Variants in GABRA2 observed in about 807,000 individuals in gnomAD.
GABRA2 encodes the protein gamma-aminobutyric acid receptor subunit alpha-2.
A neutral mutation model predicts 48.7 loss-of-function variants in GABRA2; 16 were observed. The observed-to-expected ratio is 0.33, with a 90% confidence interval of 0.22 to 0.50. The LOEUF (loss-of-function observed/expected upper bound fraction) is 0.50, where lower values mean the gene tolerates loss of function less well. GABRA2 is among the 20% of genes least tolerant of loss of function. The probability of loss-of-function intolerance (pLI) is 0.98; values close to 1 mark genes in which losing one functional copy is unlikely to be tolerated. For missense variants in GABRA2, 275 were observed against 535.6 expected, an observed-to-expected ratio of 0.51 and a Z score of 4.80; for synonymous variants, 185 against 184.5, an observed-to-expected ratio of 1.00 and a Z score of -0.02.
chr4:46,296,979 T>TA (rs1292581292), intron 8 of GABRA2, among the ~76,000 whole-genome samples: 1 of 152,200 alleles, frequency 6.6e-6, no homozygotes, highest in Non-Finnish European at 1.5e-5. Flanking sequence ...GTACGAAAGA[T>TA]AGTTGTATTA....
intron 2 of GABRA2, 115 bp downstream of exon 2, chr4:46,388,518 ACCC>A: frequency 8.3e-7 from 1 of 1,202,600 alleles, no homozygotes; most frequent in Non-Finnish European, 1.2e-6. Context: ...TTCCCCATAC[ACCC>A]CCTTTTCTGA....
intron 8 of GABRA2, among the ~76,000 whole-genome samples, chr4:46,297,772 C>T (rs984973047): frequency 1.3e-5 from 2 of 151,536 alleles, no homozygotes; most frequent in African/African-American, 4.8e-5. Flanking sequence ...TTTATTATTT[C>T]ATTTCTTCTA....
chr4:46,378,530 A>G (rs1319582078), intron 3 of GABRA2, among the ~76,000 whole-genome samples: 66 of 151,414 alleles, frequency 4.4e-4, no homozygotes, highest in Non-Finnish European at 7.8e-4. Flanking sequence ...GCGGAAGGCC[A>G]CAGGGTCCTC....
intron 8 of GABRA2, among the ~76,000 whole-genome samples, chr4:46,266,009 C>T (rs532329048): frequency 4.0e-5 from 6 of 151,826 alleles, no homozygotes; most frequent in African/African-American, 1.2e-4. Flanking sequence ...TAATTCTACT[C>T]TATTGTGGTG....
chr4:46,306,797 C>T (rs1228255068), intron 6 of GABRA2, among the ~76,000 whole-genome samples: 1 of 152,116 alleles, frequency 6.6e-6, no homozygotes, highest in Non-Finnish European at 1.5e-5. Flanking sequence ...ACTTTCCTAG[C>T]TTTAATAGCA....
intron 8 of GABRA2, among the ~76,000 whole-genome samples, chr4:46,284,929 G>T (rs1255605043): frequency 4.0e-5 from 6 of 150,570 alleles, no homozygotes; most frequent in African/African-American, 1.5e-4. Context: ...CAGGGAGAGG[G>T]TTTATGAACC....
chr4:46,285,631 T>A (rs932501561), intron 8 of GABRA2, among the ~76,000 whole-genome samples: 1 of 152,226 alleles, frequency 6.6e-6, no homozygotes, highest in African/African-American at 2.4e-5. Context: ...ATTTGTCACA[T>A]AGTTGCAAAT....
rs889418775 is a variant in GABRA2, at chr4:46,326,990, T to TCTA, written c.255+5622_255+5624dup. Among the ~76,000 whole-genome samples, 12 of 152,082 alleles carry TCTA rather than the reference T, an allele frequency of 7.9e-5. No individual in the cohort carries two copies. In the South Asian group the frequency reaches 8.3e-4, roughly 11 times the overall value. Reference sequence around the variant, plus strand: ...CCCTTATATCCAACAGATCACCAATTCTACCCCACAGAGAACTTTTAAATC... The same window carrying TCTA: ...CCCTTATATCCAACAGATCACCAATTCTACTACCCCACAGAGAACTTTTAAATC... On this transcript the variant is annotated intron_variant, in intron 4 of 9. Coordinates refer to ENST00000381620, the MANE Select transcript of GABRA2 (RefSeq NM_000807.4).
chr4:46,303,667 AGGAAATAGAAG>A, intron 7 of GABRA2, 55 bp from the exon 8 acceptor site: 1 of 1,463,424 alleles, frequency 6.8e-7, no homozygotes, highest in Middle Eastern at 1.8e-4. Flanking sequence ...TTGAACATTT[AGGAAATAGAAG>A]GGATCAGAGG....
In GABRA2 at chr4:46,245,084, G is replaced by A. The variant is rs1713468752; in HGVS notation, c.*5224C>T. Among the ~76,000 whole-genome samples the A allele has an allele frequency of 6.6e-6, 1 of 150,972 alleles. No homozygotes were observed. Among genetic ancestry groups the A allele is most frequent in the African/African-American group, 2.4e-5 (1 of 41,218 alleles). On this transcript the variant is annotated 3_prime_UTR_variant, in exon 10 of 10. Coordinates refer to ENST00000381620, the MANE Select transcript of GABRA2 (RefSeq NM_000807.4). Reference sequence around the variant, plus strand: ...CCTTTCCTATAATATATGTAAACTGGTATGTTGGTGTACTATATAGAAATC... The same window carrying A: ...CCTTTCCTATAATATATGTAAACTGATATGTTGGTGTACTATATAGAAATC...
At chr4:46,265,446 G>GTATATATAT (rs1335759239) in intron 8 of GABRA2, among the ~76,000 whole-genome samples, 38 of 118,344 alleles carry the variant, frequency 3.2e-4, no homozygotes, top group African/African-American at 2.0e-3. Context: ...ATAATATATT[G>GTATATATAT]TGTATATATA....
intron 1 of GABRA2, chr4:46,388,930 CT>C: frequency 1.1e-6 from 1 of 881,288 alleles, no homozygotes. Context: ...TTCTTTCTTT[CT>C]TTTTTTCTTT....
intron 5 of GABRA2, among the ~76,000 whole-genome samples, chr4:46,312,098 C>T (rs1468092288): frequency 6.6e-6 from 1 of 151,540 alleles, no homozygotes; most frequent in Non-Finnish European, 1.5e-5. Context: ...GTCTCCGCCT[C>T]AATAAATGAA....
chr4:46,347,464 A>T (rs1435951497), intron 3 of GABRA2, among the ~76,000 whole-genome samples: 1 of 151,982 alleles, frequency 6.6e-6, no homozygotes, highest in Non-Finnish European at 1.5e-5. Context: ...TTGATATTGA[A>T]CAAAGGTTTG....
chr4:46,386,276 A>G, intron 2 of GABRA2, 87 bp from the exon 3 acceptor site: 1 of 777,426 alleles, frequency 1.3e-6, no homozygotes, highest in Non-Finnish European at 2.1e-6. Flanking sequence ...TTTAAATTTT[A>G]ACACTCCCTG....
chr4:46,351,219 A>G (rs1735072895), intron 3 of GABRA2, among the ~76,000 whole-genome samples: 1 of 152,000 alleles, frequency 6.6e-6, no homozygotes, highest in Non-Finnish European at 1.5e-5. Context: ...TTACTTAGAA[A>G]GAAAATAGAT....
At chr4:46,296,370 G>C (rs1724688669) in intron 8 of GABRA2, among the ~76,000 whole-genome samples, 1 of 152,126 alleles carries the variant, frequency 6.6e-6, no homozygotes, top group African/African-American at 2.4e-5. Flanking sequence ...CTTTGAACTA[G>C]AAGTTAAGAT....
chr4:46,252,915 C>T (rs773395041), intron 9 of GABRA2, among the ~76,000 whole-genome samples: 39 of 151,258 alleles, frequency 2.6e-4, no homozygotes, highest in African/African-American at 4.4e-4. Flanking sequence ...AACAAATGGA[C>T]GAATATCTTA....
intron 4 of GABRA2, among the ~76,000 whole-genome samples, chr4:46,328,398 T>C (rs1224697581): frequency 1.3e-5 from 2 of 151,976 alleles, no homozygotes; most frequent in Non-Finnish European, 2.9e-5. Context: ...CAAATCTACA[T>C]CACTGACCTG....
Sources: allele counts gnomAD v4.1 joint callset (sites outside exome capture counted in the v4.1 genomes callset), GRCh38; gene constraint gnomAD v4.1.1; transcripts MANE v1.5; gene names NCBI Gene and HGNC (gene_info 2026-07-23, HGNC 2026-07-21).